The following TRAPPC9 variants were observed in gnomAD, a reference collection of about 807,000 sequenced individuals.
The protein encoded by TRAPPC9 is IKK2 binding protein.
A neutral mutation model predicts 124.0 loss-of-function variants in TRAPPC9; 83 were observed. That is an observed-to-expected ratio of 0.67 (90% CI 0.56 to 0.80). TRAPPC9 has a LOEUF of 0.80. TRAPPC9 is among the 30% of genes least tolerant of loss of function. The pLI is 0.00. For missense variants in TRAPPC9, 1,302 were observed against 1,508.3 expected (o/e 0.86, Z 2.27); for synonymous variants, 638 against 617.5 (o/e 1.03, Z -0.49).
chr8:140,337,454 A>G (rs2067073104), intron 9 of TRAPPC9, among the ~76,000 whole-genome samples: 1 of 152,202 alleles, frequency 6.6e-6, no homozygotes, highest in Non-Finnish European at 1.5e-5. Context: ...GAGTGAGAAA[A>G]TTAATTAATC....
intron 7 of TRAPPC9, among the ~76,000 whole-genome samples, chr8:140,379,962 T>C (rs1478411737): frequency 6.6e-6 from 1 of 152,212 alleles, no homozygotes; most frequent in African/African-American, 2.4e-5. Flanking sequence ...TTCTTTATTG[T>C]AGGTATCTCG....
At chr8:139,951,197 A>G (rs1457793428) in intron 19 of TRAPPC9, among the ~76,000 whole-genome samples, 1 of 152,180 alleles carries the variant, frequency 6.6e-6, no homozygotes, top group Non-Finnish European at 1.5e-5. Context: ...CTCCTCACAC[A>G]AAGCCCTACT....
intron 16 of TRAPPC9, among the ~76,000 whole-genome samples, chr8:140,229,501 C>T (rs930160552): frequency 6.6e-6 from 1 of 151,824 alleles, no homozygotes; most frequent in Non-Finnish European, 1.5e-5. Context: ...CCTGACCGAC[C>T]TCGTGATCCA....
intron 21 of TRAPPC9, among the ~76,000 whole-genome samples, chr8:139,842,774 C>G (rs1382195792): frequency 6.6e-6 from 1 of 152,186 alleles, no homozygotes; most frequent in Non-Finnish European, 1.5e-5. Context: ...CATTGTGCTT[C>G]TGGGAGGGCA....
intron 15 of TRAPPC9, among the ~76,000 whole-genome samples, chr8:140,272,827 G>A (rs556670191): frequency 2.0e-5 from 3 of 151,970 alleles, no homozygotes; most frequent in African/African-American, 4.8e-5. Context: ...CGAGCACCCA[G>A]CCATTCATCA....
At chr8:140,253,593 G>A (rs1294933754) in intron 15 of TRAPPC9, among the ~76,000 whole-genome samples, 2 of 151,926 alleles carry the variant, frequency 1.3e-5, no homozygotes, top group Non-Finnish European at 2.9e-5. Context: ...CAGGAGAATC[G>A]CTTGAACCCG....
chr8:139,766,213 C>T (rs897075460), intron 21 of TRAPPC9, among the ~76,000 whole-genome samples: 7 of 152,230 alleles, frequency 4.6e-5, no homozygotes, highest in Non-Finnish European at 1.0e-4. Context: ...CCAGCCCTGA[C>T]GGGATGCGTG....
At position 140,252,991 on chromosome 8, in the gene TRAPPC9, A is replaced by G; in HGVS notation, c.2279-62T>C. On this transcript the variant is annotated intron_variant, in intron 15 of 22. Transcript: ENST00000438773. This position sits in a 1 kb window ranked among gnomAD's most constrained non-coding sequence, Gnocchi z 4.2. ...AACTGAGGCAGTATGGGACTTACCA[A>G]TCCCCTAGAAAATTCTGATGCATTC... 1 of 1,542,312 alleles carries G rather than the reference A, an allele frequency of 6.5e-7. No homozygotes were observed. Among genetic ancestry groups the G allele is most frequent in the Non-Finnish European group, 8.9e-7 (1 of 1,121,110 alleles).
intron 21 of TRAPPC9, among the ~76,000 whole-genome samples, chr8:139,781,616 T>G (rs1404282225): frequency 6.6e-6 from 1 of 152,258 alleles, no homozygotes; most frequent in Non-Finnish European, 1.5e-5. Context: ...TAGTGAAAAC[T>G]GAACTTCGGT....
chr8:140,233,156 T>G (rs2063642373), intron 16 of TRAPPC9, among the ~76,000 whole-genome samples: 1 of 152,088 alleles, frequency 6.6e-6, no homozygotes, highest in Admixed American at 6.5e-5. Flanking sequence ...TCCCTCAAAA[T>G]GTTTCTTCTG....
chr8:139,752,531 TCCATCCATCCA>T (rs988484672), intron 21 of TRAPPC9, among the ~76,000 whole-genome samples: 2 of 148,486 alleles, frequency 1.3e-5, no homozygotes, highest in Non-Finnish European at 3.0e-5. Context: ...TACCCATCCA[TCCATCCATCCA>T]CCATCCATCT....
chr8:139,950,888 C>A (rs745942304), intron 19 of TRAPPC9, among the ~76,000 whole-genome samples: 1 of 152,194 alleles, frequency 6.6e-6, no homozygotes, highest in African/African-American at 2.4e-5. Context: ...ACATGGCATG[C>A]GGCAAGAGGA....
intron 2 of TRAPPC9, 82 bp from the exon 3 acceptor site, chr8:140,439,279 C>A: frequency 6.7e-7 from 1 of 1,493,966 alleles, no homozygotes; most frequent in South Asian, 1.1e-5. Context: ...ATTCAATTCT[C>A]TCACTACTAA....
chr8:139,877,608 T>C (rs746594057), intron 21 of TRAPPC9, among the ~76,000 whole-genome samples: 1 of 152,150 alleles, frequency 6.6e-6, no homozygotes, highest in Non-Finnish European at 1.5e-5. Context: ...CACTCCGGGA[T>C]TCAGGCCCCA....
At chr8:140,351,435 A>C (rs2067573683) in intron 9 of TRAPPC9, among the ~76,000 whole-genome samples, 1 of 151,612 alleles carries the variant, frequency 6.6e-6, no homozygotes, top group South Asian at 2.1e-4. Flanking sequence ...GGTAGCATTT[A>C]CATTGTATGA....
intron 21 of TRAPPC9, among the ~76,000 whole-genome samples, chr8:139,870,696 A>T (rs946067854): frequency 6.6e-6 from 1 of 152,246 alleles, no homozygotes; most frequent in African/African-American, 2.4e-5. Context: ...ATTAAGGAAA[A>T]GAAATTTACA....
At chr8:139,939,626 C>T (rs555948047) in intron 19 of TRAPPC9, among the ~76,000 whole-genome samples, 1 of 152,218 alleles carries the variant, frequency 6.6e-6, no homozygotes, top group Non-Finnish European at 1.5e-5. Context: ...ATCCTGGCAG[C>T]CCCGTGTCCC....
chr8:140,050,730 G>A (rs192326694), intron 17 of TRAPPC9, among the ~76,000 whole-genome samples: 71 of 152,284 alleles, frequency 4.7e-4, no homozygotes, highest in Non-Finnish European at 8.5e-4. Context: ...AGGGAAGAAG[G>A]GGGGAAGTAA....
intron 19 of TRAPPC9, among the ~76,000 whole-genome samples, chr8:139,930,146 G>C (rs1041574269): frequency 1.3e-5 from 2 of 152,236 alleles, no homozygotes; most frequent in South Asian, 2.1e-4. Flanking sequence ...GGACCTCCCA[G>C]ATGCCTAAGA....
Sources: allele counts gnomAD v4.1 joint callset (sites outside exome capture counted in the v4.1 genomes callset), GRCh38; gene constraint gnomAD v4.1.1; non-coding constraint Gnocchi (gnomAD v3.1); transcripts MANE v1.5; gene names NCBI Gene and HGNC (gene_info 2026-07-23, HGNC 2026-07-21).